Variants in NECAB1 observed in about 807,000 individuals in gnomAD.
NECAB1 encodes N-terminal EF-hand calcium-binding protein 1.
Under a neutral mutation model 57.5 loss-of-function variants are expected in NECAB1, and 29 were observed. That is an observed-to-expected ratio of 0.50 (90% confidence interval 0.38 to 0.69). The LOEUF (loss-of-function observed/expected upper bound fraction) is 0.69. NECAB1 is among the 30% of genes least tolerant of loss of function. The pLI is 0.00. For synonymous variants in NECAB1, 142 were observed against 147.7 expected (o/e 0.96, Z 0.28); for missense variants, 372 against 413.8 (o/e 0.90, Z 0.88).
At chr8:90,952,310 ATTG>A (rs1200673747) in intron 12 of NECAB1, among the ~76,000 whole-genome samples, 1 of 152,148 alleles carries the variant, frequency 6.6e-6, no homozygotes, top group Non-Finnish European at 1.5e-5. Context: ...CAGCAAGATG[ATTG>A]TTGAAGCCTG....
At chr8:90,821,082 A>G (rs933208114) in intron 2 of NECAB1, among the ~76,000 whole-genome samples, 1 of 151,796 alleles carries the variant, frequency 6.6e-6, no homozygotes, top group African/African-American at 2.4e-5. Flanking sequence ...TTCTAAGTCA[A>G]TTACTTGGTA....
At chr8:90,915,413 T>C (rs576047898) in intron 5 of NECAB1, among the ~76,000 whole-genome samples, 7 of 152,254 alleles carry the variant, frequency 4.6e-5, no homozygotes, top group South Asian at 4.1e-4. Context: ...AATTAAATAT[T>C]TGGAATATTT....
At chr8:90,935,832 A>T (rs573238690) in intron 9 of NECAB1, among the ~76,000 whole-genome samples, 8 of 152,188 alleles carry the variant, frequency 5.3e-5, no homozygotes, top group Non-Finnish European at 1.2e-4. Context: ...TAAAAGATCA[A>T]CACACAAAAC....
At chr8:90,832,538 T>G (rs1322161725) in intron 3 of NECAB1, among the ~76,000 whole-genome samples, 1 of 152,148 alleles carries the variant, frequency 6.6e-6, no homozygotes, top group Non-Finnish European at 1.5e-5. Context: ...CAAGTCAAAT[T>G]TTGTGTCAAG....
chr8:90,824,673 A>G (rs1563497513), intron 2 of NECAB1, 44 bp from the exon 3 acceptor site: 2 of 1,295,488 alleles, frequency 1.5e-6, no homozygotes, highest in South Asian at 1.4e-5. Context: ...AGAACAATGT[A>G]CAAAATTAAA....
At chr8:90,934,409 A>G in intron 9 of NECAB1, 52 bp downstream of exon 9, 1 of 1,199,516 alleles carries the variant, frequency 8.3e-7, no homozygotes, top group South Asian at 1.7e-5. Flanking sequence ...TTAAAAACAT[A>G]ATTTAATTTC....
At chr8:90,917,703 C>T in intron 6 of NECAB1, 75 bp downstream of exon 6, 1 of 1,384,606 alleles carries the variant, frequency 7.2e-7, no homozygotes, top group Non-Finnish European at 9.6e-7. Context: ...AGGCATTGTA[C>T]TTACACTAGC....
At chr8:90,850,135 G>A (rs191681823) in intron 3 of NECAB1, among the ~76,000 whole-genome samples, 2 of 152,334 alleles carry the variant, frequency 1.3e-5, no homozygotes, top group East Asian at 1.9e-4. Flanking sequence ...GGAACAGAGA[G>A]AGAGATAAAA....
intron 2 of NECAB1, among the ~76,000 whole-genome samples, chr8:90,821,715 C>T (rs1035032051): frequency 4.0e-5 from 6 of 151,270 alleles, no homozygotes; most frequent in African/African-American, 7.3e-5. Context: ...CCCTGTGTCT[C>T]GTAGAATCCC....
intron 3 of NECAB1, among the ~76,000 whole-genome samples, chr8:90,840,434 C>T (rs1002776464): frequency 6.6e-5 from 10 of 152,202 alleles, no homozygotes; most frequent in African/African-American, 2.4e-4. Flanking sequence ...CGCACTAAGG[C>T]AAGCCACTCT....
At chr8:90,937,464 A>C (rs1810566029) in intron 9 of NECAB1, among the ~76,000 whole-genome samples, 1 of 152,130 alleles carries the variant, frequency 6.6e-6, no homozygotes, top group African/African-American at 2.4e-5. Context: ...AATAAATAGA[A>C]GTTTTTTTAA....
chr8:90,906,891 A>ATATATATATGTATATATG (rs1809680511), intron 5 of NECAB1, among the ~76,000 whole-genome samples: 1 of 113,414 alleles, frequency 8.8e-6, no homozygotes, highest in African/African-American at 4.0e-5. Context: ...ATATATATAT[A>ATATATATATGTATATATG]TATATATATA....
chr8:90,813,856 G>A (rs954983863), intron 2 of NECAB1, among the ~76,000 whole-genome samples: 2 of 152,294 alleles, frequency 1.3e-5, no homozygotes, highest in Non-Finnish European at 2.9e-5. Context: ...TGAAGCTAGT[G>A]TACAGAGTTC....
chr8:90,832,002 A>T (rs1005349462), intron 3 of NECAB1, among the ~76,000 whole-genome samples: 3 of 152,106 alleles, frequency 2.0e-5, no homozygotes, highest in African/African-American at 7.2e-5. Context: ...TTTTACCAGG[A>T]CTCACTCTAA....
At chr8:90,828,116 G>C (rs1812251406) in intron 3 of NECAB1, among the ~76,000 whole-genome samples, 2 of 145,592 alleles carry the variant, frequency 1.4e-5, no homozygotes, top group South Asian at 2.1e-4. Flanking sequence ...ATTTCCTTAA[G>C]AGTAGTTCAC....
chr8:90,838,240 TA>T, intron 3 of NECAB1, among the ~76,000 whole-genome samples: 1 of 152,318 alleles, frequency 6.6e-6, no homozygotes, highest in South Asian at 2.1e-4. Context: ...AGTGAAACAA[TA>T]TATAACAAAA....
At chr8:90,858,409 A>G (rs550452663) in intron 3 of NECAB1, among the ~76,000 whole-genome samples, 1 of 152,212 alleles carries the variant, frequency 6.6e-6, no homozygotes, top group Non-Finnish European at 1.5e-5. Context: ...TAGAAGTTCT[A>G]TTTCACACTT....
At chr8:90,873,380 T>A (rs998932287) in intron 4 of NECAB1, among the ~76,000 whole-genome samples, 3 of 152,216 alleles carry the variant, frequency 2.0e-5, no homozygotes, top group Non-Finnish European at 2.9e-5. Context: ...CACACATGGT[T>A]AAGTACCTGA....
At chr8:90,890,932 T>C (rs1586091595) in intron 5 of NECAB1, among the ~76,000 whole-genome samples, 1 of 152,342 alleles carries the variant, frequency 6.6e-6, no homozygotes, top group Non-Finnish European at 1.5e-5. Context: ...CAACATGTGG[T>C]AAGACTAATA....
Sources: allele counts gnomAD v4.1 joint callset (sites outside exome capture counted in the v4.1 genomes callset), GRCh38; gene constraint gnomAD v4.1.1; transcripts MANE v1.5; gene names NCBI Gene and HGNC (gene_info 2026-07-23, HGNC 2026-07-21).